The following ACTA2 variants were observed in gnomAD, a reference collection of about 807,000 sequenced individuals.
The protein encoded by ACTA2 is actin alpha 2, smooth muscle.
ACTA2 carries 12 observed loss-of-function variants against 39.5 expected under a neutral mutation model. That is an observed-to-expected ratio of 0.30 (90% CI 0.19 to 0.49). The LOEUF is 0.49. ACTA2 is among the 20% of genes least tolerant of loss of function. The pLI is 0.99. For synonymous variants in ACTA2, 158 were observed against 180.6 expected (o/e 0.88, Z 1.00); for missense variants, 236 against 498.8 (o/e 0.47, Z 5.02).
chr10:88,951,597 T>C (rs1225476262), intron 1 of ACTA2, among the ~76,000 whole-genome samples: 1 of 151,698 alleles, frequency 6.6e-6, no homozygotes, highest in Admixed American at 6.6e-5. Context: ...CCGGAAAGAG[T>C]CAGCTCAGTG....
chr10:88,948,788 A>T lies in ACTA2; in HGVS notation c.129+14T>A. 6.2e-7 allele frequency: 1 copy of T among 1,613,816 alleles called. No homozygotes were observed. Among genetic ancestry groups the T allele is most frequent in the South Asian group, 1.1e-5 (1 of 91,074 alleles). ...ATCTGTGTCCTGTTATGTTCCAATCATAATTTTCCTCACCTGATGTCTGGG... is the reference window on the plus strand; with the variant it reads ...ATCTGTGTCCTGTTATGTTCCAATCTTAATTTTCCTCACCTGATGTCTGGG... On this transcript the variant is annotated intron_variant, in intron 2 of 8. Transcript: ENST00000224784.
chr10:88,984,124 C>A (rs573810389), intron 1 of ACTA2, among the ~76,000 whole-genome samples: 1 of 152,256 alleles, frequency 6.6e-6, no homozygotes, highest in African/African-American at 2.4e-5. Context: ...AAGTAGTGTT[C>A]TTTGTATAGT....
At chr10:88,953,989 C>A (rs186068469), upstream of ACTA2, among the ~76,000 whole-genome samples, 118 of 152,272 alleles carry the variant, frequency 7.7e-4, no homozygotes, top group African/African-American at 2.6e-3. Context: ...GACTAAGATA[C>A]CAGGTGACCC....
At chr10:88,959,109 C>T (rs941897372) in intron 1 of ACTA2, among the ~76,000 whole-genome samples, 1 of 152,214 alleles carries the variant, frequency 6.6e-6, no homozygotes, top group African/African-American at 2.4e-5. Flanking sequence ...AATACAGTAA[C>T]TACTAGCCAC....
rs5030766 is a variant in ACTA2 at position 88,990,843 on chromosome 10, A to G, written c.-24+96T>C. 0.017 allele frequency: 27,805 copies of G among 1,614,070 alleles called. 369 individuals are homozygous for G. The highest frequency in any genetic ancestry group is 0.066 in the African/African-American group (4,975 of 75,026). ...GGACCCGCTCAGTACGGAGTTGGGG[A>G]AGCTCTTTCACTTCGGAGGATTGCT... On this transcript the variant is annotated intron_variant, in intron 1 of 4. Transcript: ENST00000415557. The surrounding 1 kb of genome is among the most constrained non-coding windows in gnomAD (Gnocchi z 4.9).
chr10:88,959,474 C>G (rs1468895345), intron 1 of ACTA2, among the ~76,000 whole-genome samples: 1 of 152,140 alleles, frequency 6.6e-6, no homozygotes, highest in Non-Finnish European at 1.5e-5. Flanking sequence ...AGCTGACTCT[C>G]TTTCCCCTTA....
At chr10:88,946,585 A>C (rs1845952423) in intron 3 of ACTA2, among the ~76,000 whole-genome samples, 1 of 151,174 alleles carries the variant, frequency 6.6e-6, no homozygotes, top group Non-Finnish European at 1.5e-5. Context: ...TAGAGACAGG[A>C]TCTTACTATG....
exon 1 of ACTA2, chr10:88,991,060 G>A: frequency 1.1e-6 from 1 of 919,064 alleles, no homozygotes; most frequent in South Asian, 1.5e-5. Context: ...GTTGGAGACT[G>A]GCTCCCGGGG....
chr10:88,988,758 C>G (rs148635465), intron 1 of ACTA2, among the ~76,000 whole-genome samples: 145 of 152,272 alleles, frequency 9.5e-4, no homozygotes, highest in Middle Eastern at 6.8e-3. Context: ...ATAGATTCTT[C>G]AAAGGATTCC....
Position 88,948,791 on chromosome 10 carries a change from A to AT in ACTA2, c.129+10dup, listed in dbSNP as rs1422543150. 5 of 1,613,640 alleles carry AT rather than the reference A, an allele frequency of 3.1e-6. No individual in the cohort carries two copies. The African/African-American group carries it at 5.3e-5, about 17-fold the overall frequency. On this transcript the variant is annotated intron_variant, in intron 2 of 8. Transcript: ENST00000224784. Reference sequence around the variant, plus strand: ...TGTGTCCTGTTATGTTCCAATCATAATTTTCCTCACCTGATGTCTGGGACG... The same window carrying AT: ...TGTGTCCTGTTATGTTCCAATCATAATTTTTCCTCACCTGATGTCTGGGACG...
intron 1 of ACTA2, among the ~76,000 whole-genome samples, chr10:88,959,197 C>A (rs1410963780): frequency 6.6e-6 from 1 of 152,058 alleles, no homozygotes; most frequent in Non-Finnish European, 1.5e-5. Context: ...ATTTGAATAG[C>A]CACATGTGGC....
At chr10:88,939,477 C>T (rs1251746999) in intron 7 of ACTA2, 30 bp downstream of exon 7, 3 of 1,611,980 alleles carry the variant, frequency 1.9e-6, no homozygotes, top group Non-Finnish European at 2.5e-6. Flanking sequence ...AATGACTCCC[C>T]TTCCCAGGAA....
At chr10:88,950,288 G>A (rs1589401491) in intron 1 of ACTA2, among the ~76,000 whole-genome samples, 2 of 152,146 alleles carry the variant, frequency 1.3e-5, no homozygotes, top group African/African-American at 2.4e-5. Flanking sequence ...TCTCAATTAG[G>A]ATTTCAAATT....
chr10:88,982,684 G>GA (rs1846740721), intron 1 of ACTA2, among the ~76,000 whole-genome samples: 1 of 152,088 alleles, frequency 6.6e-6, no homozygotes, highest in South Asian at 2.1e-4. Flanking sequence ...TTCTTGATAG[G>GA]AAAATGTATT....
intron 1 of ACTA2, among the ~76,000 whole-genome samples, chr10:88,981,052 AG>A (rs1846698380): frequency 6.6e-6 from 1 of 152,194 alleles, no homozygotes; most frequent in South Asian, 2.1e-4. Flanking sequence ...GAGTAGGAAC[AG>A]GGCATGGGGA....
At position 88,990,492 on chromosome 10, in the gene ACTA2, C is replaced by G. The variant is rs1483593862; in HGVS notation, c.-24+447G>C. 2.1e-5 allele frequency: 12 copies of G among 566,316 alleles called. 1 individual carries two copies. Among genetic ancestry groups the G allele is most frequent in the African/African-American group, 1.8e-4 (10 of 55,026 alleles). The allele number at this position is 566,316 out of a possible 1,614,324, so 35.1% of individuals were successfully genotyped here. A position where few individuals can be genotyped will look rare whatever the true frequency, so the allele number is the denominator to read the frequency against. ...GGGACAGGAATGCCCATTTGTGCAA[C>G]GAACCCTGACTCCTTCCTCACCCTG... On this transcript the variant is annotated intron_variant, in intron 1 of 4. Transcript: ENST00000415557. This position sits in a 1 kb window ranked among gnomAD's most constrained non-coding sequence, Gnocchi z 4.9.
chr10:88,982,508 C>T (rs1415250676), intron 1 of ACTA2, among the ~76,000 whole-genome samples: 1 of 151,086 alleles, frequency 6.6e-6, no homozygotes, highest in Non-Finnish European at 1.5e-5. Context: ...TGTCCCACGA[C>T]AGAAATAAAA....
chr10:88,950,780 A>T (rs1221063618), intron 1 of ACTA2, among the ~76,000 whole-genome samples: 1 of 152,232 alleles, frequency 6.6e-6, no homozygotes, highest in Non-Finnish European at 1.5e-5. Flanking sequence ...CAATTTCCTT[A>T]CTATAAAACA....
chr10:88,963,097 T>C (rs1190628095), intron 1 of ACTA2, among the ~76,000 whole-genome samples: 2 of 150,964 alleles, frequency 1.3e-5, no homozygotes, highest in African/African-American at 4.9e-5. Context: ...CCCACCCCCA[T>C]GATTCAATTA....
Sources: allele counts gnomAD v4.1 joint callset (sites outside exome capture counted in the v4.1 genomes callset), GRCh38; gene constraint gnomAD v4.1.1; non-coding constraint Gnocchi (gnomAD v3.1); transcripts MANE v1.5; gene names NCBI Gene and HGNC (gene_info 2026-07-23, HGNC 2026-07-21).